FER: variants seen among roughly 807,000 people sequenced by gnomAD.
The protein encoded by FER is FER tyrosine kinase.
A neutral mutation model predicts 111.0 loss-of-function variants in FER; 63 were observed. The observed-to-expected ratio is 0.57, with a 90% CI of 0.46 to 0.70. The LOEUF is 0.70. Among genes scored for constraint, FER ranks in the 30% least tolerant of loss-of-function variants. The pLI, the probability that FER is intolerant of heterozygous loss-of-function variation, is 0.00. For missense variants in FER, 914 were observed against 954.0 expected (o/e 0.96, Z 0.55); for synonymous variants, 327 against 313.9 (o/e 1.04, Z -0.44).
chr5:108,845,027 T>TGTATATATATAC (rs1761823423), intron 5 of FER, among the ~76,000 whole-genome samples: 1 of 55,650 alleles, frequency 1.8e-5, no homozygotes, highest in Non-Finnish European at 3.5e-5. Flanking sequence ...TATATATATA[T>TGTATATATATAC]ATATATATAT....
At chr5:108,881,557 A>G (rs1765676969) in intron 8 of FER, among the ~76,000 whole-genome samples, 2 of 152,132 alleles carry the variant, frequency 1.3e-5, no homozygotes, top group Middle Eastern at 3.2e-3. Context: ...CTGTCATACA[A>G]ATTACCATAG....
chr5:108,969,464 A>C lies in FER; in HGVS notation c.1656+10117A>C, dbSNP rs191577805. On this transcript the variant is annotated intron_variant, in intron 13 of 19. Transcript: ENST00000281092. Reference sequence around the variant, plus strand: ...TTTATATAAAAAGGGTAGGAGTATGATTATAAGTCTGATTTTGCTTTTATG... The same window carrying C: ...TTTATATAAAAAGGGTAGGAGTATGCTTATAAGTCTGATTTTGCTTTTATG... Among the ~76,000 whole-genome samples, 281 of 152,296 alleles carry C rather than the reference A, an allele frequency of 1.8e-3. 1 individual carries two copies. Among genetic ancestry groups the C allele is most frequent in the Middle Eastern group, 6.8e-3 (2 of 294 alleles).
intron 10 of FER, among the ~76,000 whole-genome samples, chr5:108,937,393 A>C (rs1755614215): frequency 6.6e-6 from 1 of 152,042 alleles, no homozygotes; most frequent in South Asian, 2.1e-4. Flanking sequence ...TAGAAGTCAC[A>C]CGGATGTTTC....
rs138600294 is a variant in FER at position 108,871,564 on chromosome 5, G to A, written c.803+62G>A. 9.1e-4 allele frequency: 1,113 copies of A among 1,222,438 alleles called. 7 individuals carry two copies. In the African/African-American group the frequency reaches 0.015, roughly 17 times the overall value. 75.7% of individuals were successfully genotyped at this position (1,222,438 alleles called of 1,614,324 possible). On this transcript the variant is annotated intron_variant, in intron 7 of 19. Coordinates refer to ENST00000281092, the MANE Select transcript of FER (RefSeq NM_005246.4). The stretch of plus-strand genomic sequence containing the variant: ...AGTATTATTTTTCATTCATACAATA[G>A]TTAACCACAGATAAAAATAAGAAAT...
intron 4 of FER, among the ~76,000 whole-genome samples, chr5:108,835,295 C>T (rs1407364721): frequency 7.1e-6 from 1 of 140,260 alleles, no homozygotes; most frequent in African/African-American, 2.7e-5. Flanking sequence ...GATTCTTGTG[C>T]CTCATCCTCC....
At chr5:109,179,285 A>G (rs1488258458) in intron 17 of FER, among the ~76,000 whole-genome samples, 3 of 152,204 alleles carry the variant, frequency 2.0e-5, no homozygotes, top group Non-Finnish European at 4.4e-5. Flanking sequence ...CTTTGACCTC[A>G]ATAGAAAAAA....
At chr5:108,996,019 A>G (rs1763936319) in intron 13 of FER, among the ~76,000 whole-genome samples, 1 of 152,228 alleles carries the variant, frequency 6.6e-6, no homozygotes. Context: ...ATGACCAGTG[A>G]TAATGAGCTT....
At chr5:109,186,864 C>A (rs914076791) in intron 19 of FER, among the ~76,000 whole-genome samples, 3 of 152,156 alleles carry the variant, frequency 2.0e-5, no homozygotes, top group Non-Finnish European at 2.9e-5. Flanking sequence ...ATGTCTGGTC[C>A]CCAGTGAGGG....
chr5:109,067,719 T>A lies in FER; in HGVS notation c.1924+20521T>A, dbSNP rs548165714. On this transcript the variant is annotated intron_variant, in intron 16 of 19. Transcript: ENST00000281092. ...ATCTATGATTTCTTTCTTGTAGATATATATTTTGGGTTAAATTCTACTCTC... is the reference window on the plus strand; with the variant it reads ...ATCTATGATTTCTTTCTTGTAGATAAATATTTTGGGTTAAATTCTACTCTC... Among the ~76,000 whole-genome samples, 5 of 152,272 alleles carry A rather than the reference T, an allele frequency of 3.3e-5. No homozygotes were observed. In the South Asian group the frequency reaches 8.3e-4, roughly 25 times the overall value.
Position 109,047,203 on chromosome 5 carries a change from T to C in FER, c.1924+5T>C. The C allele has an allele frequency of 6.4e-7, 1 of 1,553,354 alleles. No individual in the cohort carries two copies. Among genetic ancestry groups the C allele is most frequent in the East Asian group, 2.3e-5 (1 of 43,866 alleles). ...TCATTATGGAACTGGTTTCAGGTAA[T>C]GTGATCTGAGAATTTTTGCATGATG... On this transcript the variant is annotated splice_donor_5th_base_variant and intron_variant, in intron 16 of 19. Coordinates refer to ENST00000281092, the MANE Select transcript of FER (RefSeq NM_005246.4).
chr5:109,105,811 T>C (rs1748847014), intron 17 of FER, among the ~76,000 whole-genome samples: 2 of 152,236 alleles, frequency 1.3e-5, no homozygotes, highest in Admixed American at 6.5e-5. Flanking sequence ...CTAAGTGCTT[T>C]AGATGCAATG....
chr5:108,873,758 G>A (rs1764833418), intron 8 of FER, among the ~76,000 whole-genome samples: 2 of 152,148 alleles, frequency 1.3e-5, no homozygotes, highest in South Asian at 4.1e-4. Flanking sequence ...TACTCCAGGG[G>A]ACATTTGACA....
chr5:108,860,908 A>G (rs1199197459), intron 5 of FER, among the ~76,000 whole-genome samples: 2 of 152,190 alleles, frequency 1.3e-5, no homozygotes, highest in East Asian at 3.9e-4. Context: ...ACTGAGCAAG[A>G]GTAGGGAAAA....
chr5:109,163,458 A>G (rs1756213645), intron 17 of FER, among the ~76,000 whole-genome samples: 1 of 152,178 alleles, frequency 6.6e-6, no homozygotes, highest in South Asian at 2.1e-4. Context: ...ATAAGAAACT[A>G]CAAAACTGTT....
At chr5:109,003,895 A>C (rs113983512) in intron 13 of FER, among the ~76,000 whole-genome samples, 17,541 of 152,146 alleles carry the variant, frequency 0.12, 1,089 homozygotes, top group Middle Eastern at 0.16. Context: ...TGGGAGGATC[A>C]CTTAAGCCCA....
At chr5:109,027,257 G>C (rs1361215117) in intron 13 of FER, among the ~76,000 whole-genome samples, 1 of 151,994 alleles carries the variant, frequency 6.6e-6, no homozygotes, top group Admixed American at 6.6e-5. Flanking sequence ...CAATACATTG[G>C]CTCTTGCTGA....
intron 13 of FER, among the ~76,000 whole-genome samples, chr5:109,029,884 TCA>T (rs1769349430): frequency 6.6e-6 from 1 of 152,194 alleles, no homozygotes; most frequent in Non-Finnish European, 1.5e-5. Flanking sequence ...TTGAGAAGTT[TCA>T]GTCATTATTT....
At chr5:109,065,579 G>A (rs1221676295) in intron 16 of FER, among the ~76,000 whole-genome samples, 4 of 152,202 alleles carry the variant, frequency 2.6e-5, no homozygotes, top group Admixed American at 2.6e-4. Flanking sequence ...TAAATCAGCT[G>A]AGCTTGGTGG....
At chr5:108,762,417 G>A (rs1225544423) in intron 1 of FER, among the ~76,000 whole-genome samples, 1 of 152,050 alleles carries the variant, frequency 6.6e-6, no homozygotes, top group African/African-American at 2.4e-5. Flanking sequence ...CTATCATCCT[G>A]GTTCGGCAAC....
Sources: allele counts gnomAD v4.1 joint callset (sites outside exome capture counted in the v4.1 genomes callset), GRCh38; gene constraint gnomAD v4.1.1; transcripts MANE v1.5; gene names NCBI Gene and HGNC (gene_info 2026-07-23, HGNC 2026-07-21).